Variants in NME5 observed in about 807,000 individuals in gnomAD.
The protein encoded by NME5 is NME/NM23 family member 5, also known as nucleoside diphosphate kinase 5.
Under a neutral mutation model 21.6 loss-of-function variants are expected in NME5, and 18 were observed. That is an observed-to-expected ratio of 0.83 (90% CI 0.58 to 1.24). The LOEUF is 1.24. Ranked by LOEUF, NME5 falls within the 50% of genes most tolerant of loss-of-function variation. The pLI is 0.00. For missense variants in NME5, 223 were observed against 255.4 expected (o/e 0.87, Z 0.86); for synonymous variants, 70 against 80.6 (o/e 0.87, Z 0.71).
intron 4 of NME5, among the ~76,000 whole-genome samples, chr5:138,119,897 G>A (rs1432818105): frequency 2.6e-5 from 4 of 151,550 alleles, no homozygotes; most frequent in Non-Finnish European, 4.4e-5. Flanking sequence ...TTTTTTCCCA[G>A]TCTGTTGCCT....
chr5:138,118,524 C>T (rs1316373781), intron 5 of NME5, among the ~76,000 whole-genome samples: 1 of 147,198 alleles, frequency 6.8e-6, no homozygotes, highest in Non-Finnish European at 1.5e-5. Flanking sequence ...CTTGCTCTGT[C>T]ACCCAGGCTG....
At chr5:138,122,870 G>A (rs1751317885) in intron 4 of NME5, 1 of 151,630 alleles carries the variant, frequency 6.6e-6, no homozygotes, top group Non-Finnish European at 1.5e-5. Flanking sequence ...AGCAGAGATG[G>A]GGTTTCACTA....
intron 5 of NME5, among the ~76,000 whole-genome samples, chr5:138,117,315 C>T (rs1751184173): frequency 6.7e-6 from 1 of 149,608 alleles, no homozygotes; most frequent in Admixed American, 6.7e-5. Flanking sequence ...GATTCTTAGA[C>T]ATGACATCAA....
chr5:138,129,663 T>C (rs1751514307), intron 2 of NME5, among the ~76,000 whole-genome samples, 195 bp from the exon 3 acceptor site: 1 of 152,144 alleles, frequency 6.6e-6, no homozygotes, highest in Non-Finnish European at 1.5e-5. Flanking sequence ...TTAGCCTACT[T>C]AAGAAAAATT....
intron 4 of NME5, among the ~76,000 whole-genome samples, chr5:138,121,334 T>G (rs1751281696): frequency 6.6e-6 from 1 of 151,594 alleles, no homozygotes; most frequent in East Asian, 1.9e-4. Flanking sequence ...GAGGCTAAGG[T>G]GGGAGAATGC....
At position 138,138,839 on chromosome 5, in the gene NME5, G is replaced by A. The variant is rs1751790186; in HGVS notation, c.-5-54C>T. The A allele has an allele frequency of 2.6e-6, 4 of 1,521,770 alleles. No homozygotes were observed. In the Admixed American group the frequency reaches 6.4e-5, roughly 24 times the overall value. The allele number at this position is 1,521,770 out of a possible 1,614,324, so 94.3% of individuals were successfully genotyped here. A position where few individuals can be genotyped will look rare whatever the true frequency, so the allele number is the denominator to read the frequency against. On this transcript the variant is annotated intron_variant, in intron 1 of 5. Transcript: ENST00000265191. ...TAACAGGTATCAACTGCAATGACAT[G>A]CATTTCCCCCCACCCCCATCGCAAA...
At position 138,118,883 on chromosome 5, in the gene NME5, G is replaced by A. The variant is rs772178727; in HGVS notation, c.490C>T (p.His164Tyr). 3 of 1,613,622 alleles carry A rather than the reference G, an allele frequency of 1.9e-6. No individual in the cohort carries two copies. Among genetic ancestry groups the A allele is most frequent in the East Asian group, 2.2e-5 (1 of 44,872 alleles). The change falls in exon 5 of 6, where the codon CAT becomes TAT. Residue 164 changes from histidine to tyrosine, a missense_variant. Transcript: ENST00000265191. ...GQAAKDYLNL[H>Y]IMPTLLEGLT... is the part of the protein sequence containing the mutation. ...CCTTCAAGCAGAGTTGGCATTATATGTAAATTTAAATAGTCCTTAGCAGCT... is the reference window on the plus strand; with the variant it reads ...CCTTCAAGCAGAGTTGGCATTATATATAAATTTAAATAGTCCTTAGCAGCT...
chr5:138,118,778 G>A (rs749533364), intron 5 of NME5, 40 bp downstream of exon 5: 2 of 1,381,550 alleles, frequency 1.4e-6, no homozygotes, highest in Non-Finnish European at 2.1e-6. Flanking sequence ...CACCACGCCT[G>A]GTGACAATAT....
rs533605620 is a variant in NME5 at position 138,120,932 on chromosome 5, C to T, written c.437-1996G>A. 7.9e-5 allele frequency among the ~76,000 whole-genome samples: 12 copies of T among 152,170 alleles called. No individual in the cohort carries two copies. The South Asian group carries it at 2.5e-3, about 32-fold the overall frequency. ...TATTGAACATCATAGCATAGCATAG[C>T]CTACTTTAAATGTGCTCAGAACACT... is the stretch of plus-strand genomic sequence containing the variant. On this transcript the variant is annotated intron_variant, in intron 4 of 5. Transcript: ENST00000265191.
chr5:138,138,642 C>T lies in NME5; in HGVS notation c.129+10G>A. On this transcript the variant is annotated intron_variant, in intron 2 of 5. Transcript: ENST00000265191. ...GGAAAAAAGCATGAATCATCATACC[C>T]AGAAGTTACCTGAACAATGGTGAAT... The T allele has an allele frequency of 6.2e-7, 1 of 1,606,742 alleles. No homozygotes were observed. Among genetic ancestry groups the T allele is most frequent in the Middle Eastern group, 1.7e-4 (1 of 5,904 alleles).
intron 2 of NME5, among the ~76,000 whole-genome samples, chr5:138,132,889 C>T (rs1751600926): frequency 6.6e-6 from 1 of 151,886 alleles, no homozygotes; most frequent in Admixed American, 6.6e-5. Context: ...GCATAATCCT[C>T]CATTCTATTA....
chr5:138,138,962 A>C, intron 1 of NME5, 177 bp from the exon 2 acceptor site: 1 of 566,910 alleles, frequency 1.8e-6, no homozygotes, highest in East Asian at 3.4e-5. Context: ...ACAGGGTCTC[A>C]ATAATAGGAT....
At chr5:138,123,534 A>C (rs1250293277) in intron 4 of NME5, among the ~76,000 whole-genome samples, 1 of 152,206 alleles carries the variant, frequency 6.6e-6, no homozygotes, top group Non-Finnish European at 1.5e-5. Flanking sequence ...GTTGTCAAAA[A>C]TGACAGAATC....
chr5:138,120,225 CA>C (rs1751253024), intron 4 of NME5, among the ~76,000 whole-genome samples: 1 of 112,928 alleles, frequency 8.9e-6, no homozygotes. Flanking sequence ...CCACTGCTCC[CA>C]GCTCTTTTTT....
chr5:138,122,463 A>G lies in NME5; in HGVS notation c.437-3527T>C, dbSNP rs868544010. ...CTCTAAAAAAAAAAAAAAAAAAAAA[A>G]AAAAAATTGTGCCTAAATATTATAT... is the stretch of plus-strand genomic sequence containing the variant. On this transcript the variant is annotated intron_variant, in intron 4 of 5. Coordinates refer to ENST00000265191, the MANE Select transcript of NME5 (RefSeq NM_003551.3). Among the ~76,000 whole-genome samples, 162 of 149,116 alleles carry G rather than the reference A, an allele frequency of 1.1e-3. 3 individuals carry two copies. Among genetic ancestry groups the G allele is most frequent in the African/African-American group, 3.5e-3 (143 of 40,554 alleles).
rs913403021 is a variant in NME5, at chr5:138,115,470, T to C, written c.*211A>G. On this transcript the variant is annotated 3_prime_UTR_variant, in exon 6 of 6. Transcript: ENST00000265191. ...TACATGAGTTTTCCATTACCTAGTG[T>C]TACATCATTGTTAAAATCATACTCT... is the stretch of plus-strand genomic sequence containing the variant. 1 of 370,108 alleles carries C rather than the reference T, an allele frequency of 2.7e-6. No homozygotes were observed. Among genetic ancestry groups the C allele is most frequent in the African/African-American group, 2.1e-5 (1 of 47,734 alleles). The allele number at this position is 370,108 out of a possible 1,614,324, so 22.9% of individuals were successfully genotyped here.
chr5:138,118,546 C>G (rs994348964), intron 5 of NME5, among the ~76,000 whole-genome samples: 1 of 151,668 alleles, frequency 6.6e-6, no homozygotes, highest in Non-Finnish European at 1.5e-5. Context: ...AGTGCAGTGG[C>G]ACAATCTCGG....
chr5:138,127,900 T>C (rs746081971), intron 4 of NME5, among the ~76,000 whole-genome samples: 1 of 152,112 alleles, frequency 6.6e-6, no homozygotes. Flanking sequence ...AGAATATGTC[T>C]AATGCAAGAG....
At chr5:138,119,121 G>C (rs1304120429) in intron 4 of NME5, among the ~76,000 whole-genome samples, 185 bp from the exon 5 acceptor site, 1 of 151,840 alleles carries the variant, frequency 6.6e-6, no homozygotes, top group Non-Finnish European at 1.5e-5. Flanking sequence ...CCTCCTCCTG[G>C]GTTCATGTGA....
Sources: allele counts gnomAD v4.1 joint callset (sites outside exome capture counted in the v4.1 genomes callset), GRCh38; gene constraint gnomAD v4.1.1; transcripts MANE v1.5; gene names NCBI Gene and HGNC (gene_info 2026-07-23, HGNC 2026-07-21).